The following LYPD8 variants were observed in gnomAD, a reference collection of about 807,000 sequenced individuals.
LYPD8 encodes the protein LY6/PLAUR domain containing 8.
LYPD8 carries 8 observed loss-of-function variants against 1.7 expected under a neutral mutation model. The observed-to-expected ratio is 4.58, with a 90% CI of 2.69 to 8.27. LYPD8 has a LOEUF of 8.27. Among genes scored for constraint, LYPD8 ranks in the 30% most tolerant of loss-of-function variants. LYPD8 has a pLI of 0.00. For synonymous variants in LYPD8, 50 were observed against 43.6 expected (o/e 1.15, Z -0.58); for missense variants, 112 against 102.3 (o/e 1.09, Z -0.41).
intron 6 of LYPD8, among the ~76,000 whole-genome samples, chr1:248,740,088 G>A (rs1281774356): frequency 6.6e-6 from 1 of 152,264 alleles, no homozygotes; most frequent in African/African-American, 2.4e-5. Context: ...GACCCTGGAG[G>A]AAGCAGACTC....
intron 2 of LYPD8, among the ~76,000 whole-genome samples, chr1:248,753,149 A>G (rs1309319028): frequency 1.6e-5 from 1 of 63,768 alleles, no homozygotes; most frequent in Non-Finnish European, 3.2e-5. Context: ...CCCACACACA[A>G]ACACCCCACA....
intron 4 of LYPD8, 61 bp downstream of exon 4, chr1:248,750,463 T>C (rs1246588654): frequency 2.5e-6 from 1 of 398,354 alleles, no homozygotes; most frequent in Non-Finnish European, 4.4e-6. Context: ...CTGGATGTCC[T>C]CTCCAGCTCC....
intron 4 of LYPD8, among the ~76,000 whole-genome samples, chr1:248,750,298 A>AGT (rs1167533129): frequency 0.92 from 140,635 of 152,144 alleles, 66,003 homozygotes; most frequent in East Asian, 1. Flanking sequence ...CACGGGCATC[A>AGT]GTCCCAAACA....
rs1456091776 is a variant in LYPD8 at position 248,750,597 on chromosome 1, G to A, written c.99C>T (p.Val33=). 5 of 398,530 alleles carry A rather than the reference G, an allele frequency of 1.3e-5. No homozygotes were observed. The highest frequency in any genetic ancestry group is 2.2e-5 in the Non-Finnish European group (5 of 226,102). The allele number at this position is 398,530 out of a possible 1,614,324, so 24.7% of individuals were successfully genotyped here. The part of the protein sequence containing the change: ...VQCNSWEKSC[V]NSIASECPSH... ...AGGGACATTCAGAGGCAATGCTGTT[G>A]ACACAGGATTTTTCCCATGAATTAC... Residue 33 remains valine (V), a synonymous_variant, in exon 4 of 7, where the codon GTC becomes GTT. Transcript: ENST00000590317.
chr1:248,749,966 T>C (rs891720518), intron 4 of LYPD8, among the ~76,000 whole-genome samples: 45 of 151,986 alleles, frequency 3.0e-4, no homozygotes, highest in African/African-American at 1.0e-3. Flanking sequence ...TGTTAATAAC[T>C]GCTGACACAG....
At chr1:248,753,707 C>A (rs1429055847) in intron 2 of LYPD8, among the ~76,000 whole-genome samples, 3 of 143,792 alleles carry the variant, frequency 2.1e-5, no homozygotes, top group African/African-American at 7.8e-5. Flanking sequence ...CCACACACCC[C>A]ACACACACAC....
chr1:248,750,506 A>G lies in LYPD8; in HGVS notation c.172+18T>C, dbSNP rs1662783090. On this transcript the variant is annotated intron_variant, in intron 4 of 6. Transcript: ENST00000590317. The stretch of plus-strand genomic sequence containing the variant: ...TGCAAGCCCCAGAGGCAGGAAGGAC[A>G]CACACACCCAGGCTCACCTAGAGAG... 1 of 398,466 alleles carries G rather than the reference A, an allele frequency of 2.5e-6. No homozygotes were observed. The highest frequency in any genetic ancestry group is 2.1e-5 in the African/African-American group (1 of 48,596). 24.7% of individuals were successfully genotyped at this position (398,466 alleles called of 1,614,324 possible).
At chr1:248,752,303 G>A (rs1271877330) in intron 2 of LYPD8, among the ~76,000 whole-genome samples, 1 of 151,914 alleles carries the variant, frequency 6.6e-6, no homozygotes, top group Admixed American at 6.6e-5. Flanking sequence ...CTCTACAGGT[G>A]AGAAACCTGC....
chr1:248,753,419 C>CA (rs1558209039), intron 2 of LYPD8, among the ~76,000 whole-genome samples: 1 of 104,286 alleles, frequency 9.6e-6, no homozygotes, highest in Non-Finnish European at 1.9e-5. Flanking sequence ...ACACCACACA[C>CA]CACACACAAC....
At chr1:248,748,213 C>T (rs1336780226) in intron 5 of LYPD8, 76 bp downstream of exon 5, 7 of 324,398 alleles carry the variant, frequency 2.2e-5, no homozygotes, top group Middle Eastern at 7.5e-4. Context: ...ATCCCCCGCA[C>T]GGCCAGCACC....
intron 6 of LYPD8, among the ~76,000 whole-genome samples, chr1:248,744,602 C>CGTCAAATGTGGATCTCACAATGGGTAGT (rs1248937732): frequency 7.6e-6 from 1 of 131,794 alleles, no homozygotes; most frequent in African/African-American, 3.6e-5. Context: ...CAATGGGTAG[C>CGTCAAATGTGGATCTCACAATGGGTAGT]GTCAAATGTG....
intron 2 of LYPD8, among the ~76,000 whole-genome samples, chr1:248,752,769 CCCACACAACACACA>C (rs1662828318): frequency 1.7e-5 from 2 of 119,226 alleles, no homozygotes; most frequent in Non-Finnish European, 3.5e-5. Flanking sequence ...CACCACACAC[CCCACACAACACACA>C]CCACACACAC....
At chr1:248,748,508 G>A (rs936786528) in intron 4 of LYPD8, 55 bp from the exon 5 acceptor site, 3 of 399,624 alleles carry the variant, frequency 7.5e-6, no homozygotes, top group African/African-American at 6.2e-5. Flanking sequence ...GGTGTGGGGA[G>A]GGTGGAGACC....
At chr1:248,751,220 A>G (rs1045923674) in intron 2 of LYPD8, 90 bp from the exon 3 acceptor site, 24 of 396,084 alleles carry the variant, frequency 6.1e-5, no homozygotes, top group African/African-American at 4.3e-4. Flanking sequence ...GAAGCCCAGT[A>G]CTCAGTCCAT....
chr1:248,741,114 G>T (rs189644613), intron 6 of LYPD8, among the ~76,000 whole-genome samples: 1 of 149,166 alleles, frequency 6.7e-6, no homozygotes, highest in East Asian at 1.9e-4. Context: ...ACCCTGTCTT[G>T]AACAGCAACA....
At chr1:248,744,351 A>G (rs35772288) in intron 6 of LYPD8, among the ~76,000 whole-genome samples, 12,670 of 152,332 alleles carry the variant, frequency 0.083, 723 homozygotes, top group East Asian at 0.29. Flanking sequence ...GGAGGACACA[A>G]GAAGCCCGCC....
intron 4 of LYPD8, among the ~76,000 whole-genome samples, chr1:248,750,099 AC>A (rs1662773197): frequency 6.6e-6 from 1 of 152,202 alleles, no homozygotes; most frequent in Non-Finnish European, 1.5e-5. Context: ...GAAAGAGGTT[AC>A]AATAGTAGTT....
In LYPD8 at chr1:248,739,674, GC is replaced by G; in HGVS notation, c.650del (p.Gly217AlafsTer60). ...TSAPTTSHNV[G>X]SKASLYLLAL... is the part of the protein sequence containing the mutation. ...CCAAGAGGTAGAGGGAAGCTTTGGA[GC>G]CCACGTTGTGGGAAGTGGTTGGTGC... On this transcript the variant is annotated frameshift_variant, in exon 7 of 7. Coordinates refer to ENST00000590317, the MANE Select transcript of LYPD8 (RefSeq NM_001085474.2). LOFTEE classifies it low-confidence loss of function (END_TRUNC). The surrounding 1 kb of genome is among the most constrained non-coding windows in gnomAD (Gnocchi z 4.3). 1 of 1,551,760 alleles carries G rather than the reference GC, an allele frequency of 6.4e-7. No homozygotes were observed. Among genetic ancestry groups the G allele is most frequent in the Non-Finnish European group, 8.7e-7 (1 of 1,146,988 alleles).
chr1:248,753,223 C>T (rs1404752977), intron 2 of LYPD8, among the ~76,000 whole-genome samples: 3 of 66,500 alleles, frequency 4.5e-5, no homozygotes, highest in Non-Finnish European at 6.7e-5. Context: ...CACACCACAC[C>T]ACACACACAC....
Sources: allele counts gnomAD v4.1 joint callset (sites outside exome capture counted in the v4.1 genomes callset), GRCh38; gene constraint gnomAD v4.1.1; non-coding constraint Gnocchi (gnomAD v3.1); transcripts MANE v1.5; gene names NCBI Gene and HGNC (gene_info 2026-07-23, HGNC 2026-07-21).